The following FOXP4 variants were observed in gnomAD, a reference collection of about 807,000 sequenced individuals.
FOXP4 encodes forkhead box protein P4.
In FOXP4, 25 loss-of-function variants were observed where a neutral mutation model predicts 82.6. The ratio of observed to expected loss-of-function variants is 0.30; its 90% CI spans 0.22 to 0.42. FOXP4 has a LOEUF of 0.42. Ranked by LOEUF, FOXP4 falls within the 10% of genes least tolerant of loss-of-function variation. The pLI is 1.00. For missense variants in FOXP4, 785 were observed against 900.9 expected, an observed-to-expected ratio of 0.87 and a Z score of 1.65; for synonymous variants, 415 against 388.2, an observed-to-expected ratio of 1.07 and a Z score of -0.81.
At position 41,578,863 on chromosome 6, in the gene FOXP4, ACCCCT is replaced by A. The variant is rs1309648833; in HGVS notation, c.300+787_300+791del. ...GCAGCCCGGGATCCATGCTCCCCCCACCCCTCCCCCAGCAGAGGGAGGCTCAGAAT... is the reference window on the plus strand; with the variant it reads ...GCAGCCCGGGATCCATGCTCCCCCCACCCCCAGCAGAGGGAGGCTCAGAAT... On this transcript the variant is annotated intron_variant, in intron 3 of 16. Coordinates refer to ENST00000307972, the MANE Select transcript of FOXP4 (RefSeq NM_001012426.2). Among the ~76,000 whole-genome samples, 13 of 149,452 alleles carry A rather than the reference ACCCCT, an allele frequency of 8.7e-5. No homozygotes were observed. The East Asian group carries it at 2.6e-3, about 30-fold the overall frequency.
intron 1 of FOXP4, 127 bp from the exon 2 acceptor site, chr6:41,565,618 G>C (rs974144946): frequency 1.2e-6 from 1 of 839,296 alleles, no homozygotes; most frequent in African/African-American, 1.7e-5. Flanking sequence ...AGCAGCCTCT[G>C]GGAAGTTGAG....
rs571150796 is a variant in FOXP4, at chr6:41,598,887, C to T, written c.1994C>T (p.Pro665Leu). The T allele has an allele frequency of 4.4e-6, 7 of 1,605,912 alleles. No homozygotes were observed. In the East Asian group the frequency reaches 6.7e-5, roughly 15 times the overall value. Residue 665 changes from proline (P) to leucine (L), a missense_variant, in exon 17 of 17, where the codon CCG becomes CTG. Physicochemically the swap from Pro to Leu is moderately conservative, Grantham distance 98. Transcript: ENST00000307972. ...CCTAACCCCAGCGCCTCGGGGCCTC[C>T]GGAAGACAGGGACCTGGAGGAGGAG... is the stretch of plus-strand genomic sequence containing the variant. ...GAPNPSASGP[P>L]EDRDLEEELP... is the part of the protein sequence containing the mutation.
At chr6:41,579,341 C>T (rs900183345) in intron 3 of FOXP4, among the ~76,000 whole-genome samples, 1 of 152,006 alleles carries the variant, frequency 6.6e-6, no homozygotes, top group African/African-American at 2.4e-5. Context: ...GTTCTCATAC[C>T]CATGCTGGTC....
rs1343963898 is a variant in FOXP4, at chr6:41,558,945, A to G, written c.-16-6800A>G. ...CTTGTGCTCTGGTATCCACATGTGT[A>G]TCTTTTTATATAATCTAGAAATGTA... On this transcript the variant is annotated intron_variant, in intron 1 of 16. Transcript: ENST00000307972. The surrounding 1 kb of genome is among the most constrained non-coding windows in gnomAD (Gnocchi z 4.0). 6.6e-6 allele frequency among the ~76,000 whole-genome samples: 1 copy of G among 152,272 alleles called. No homozygotes were observed. Among genetic ancestry groups the G allele is most frequent in the Non-Finnish European group, 1.5e-5 (1 of 68,044 alleles).
At chr6:41,598,763 G>T in intron 16 of FOXP4, 26 bp from the exon 17 acceptor site, 1 of 1,550,642 alleles carries the variant, frequency 6.4e-7, no homozygotes, top group South Asian at 1.2e-5. Flanking sequence ...CAGCCGCCTG[G>T]TGCCCATGCC....
At chr6:41,585,615 G>A (rs939008986) in intron 5 of FOXP4, 98 bp downstream of exon 5, 20 of 1,093,250 alleles carry the variant, frequency 1.8e-5, no homozygotes, top group Non-Finnish European at 2.5e-5. Context: ...AGGAATAGTA[G>A]AAAAATCTAG....
At chr6:41,562,739 C>G (rs1011261339) in intron 1 of FOXP4, among the ~76,000 whole-genome samples, 1 of 152,208 alleles carries the variant, frequency 6.6e-6, no homozygotes, top group Non-Finnish European at 1.5e-5. Flanking sequence ...CTCAGAGAAG[C>G]TAGACTTGGA....
intron 1 of FOXP4, among the ~76,000 whole-genome samples, chr6:41,562,770 T>C (rs1454716025): frequency 2.6e-5 from 4 of 152,196 alleles, no homozygotes; most frequent in Admixed American, 6.5e-5. Context: ...GCAGCTGCTT[T>C]CCACCACCAG....
chr6:41,559,373 G>C (rs1764443218), intron 1 of FOXP4, among the ~76,000 whole-genome samples: 1 of 152,230 alleles, frequency 6.6e-6, no homozygotes, highest in African/African-American at 2.4e-5. Flanking sequence ...TCGCACCAAT[G>C]AATGGATGAA....
chr6:41,554,943 CCA>C (rs1389601301), intron 1 of FOXP4, among the ~76,000 whole-genome samples: 2 of 151,668 alleles, frequency 1.3e-5, no homozygotes, highest in Non-Finnish European at 2.9e-5. Flanking sequence ...AATCTAATTC[CCA>C]CACAGCTACT....
intron 1 of FOXP4, among the ~76,000 whole-genome samples, chr6:41,557,717 T>G (rs1057304440): frequency 6.6e-6 from 1 of 152,236 alleles, no homozygotes; most frequent in Non-Finnish European, 1.5e-5. Context: ...GAGAATGGAT[T>G]GACCAGAAAG....
At chr6:41,578,776 A>G (rs1272941708) in intron 3 of FOXP4, among the ~76,000 whole-genome samples, 1 of 151,654 alleles carries the variant, frequency 6.6e-6, no homozygotes, top group Non-Finnish European at 1.5e-5. Context: ...ACTTGGGAGA[A>G]TTGCAGTCTG....
chr6:41,599,082 TG>T lies in FOXP4; in HGVS notation c.*147del. The stretch of plus-strand genomic sequence containing the variant: ...AGGCCCGGGCCAGCAGCTCCCAGTG[TG>T]ACCTGACAAAAACACGTAGGGGCAG... On this transcript the variant is annotated 3_prime_UTR_variant, in exon 17 of 17. Transcript: ENST00000307972. The T allele has an allele frequency of 8.6e-7, 1 of 1,163,268 alleles. No individual in the cohort carries two copies. The highest frequency in any genetic ancestry group is 3.0e-5 in the Admixed American group (1 of 33,774). The allele number at this position is 1,163,268 out of a possible 1,614,324, so 72.1% of individuals were successfully genotyped here. A position where few individuals can be genotyped will look rare whatever the true frequency, so the allele number is the denominator to read the frequency against.
rs549806291 is a variant in FOXP4 at position 41,594,950 on chromosome 6, C to T, written c.1617C>T (p.Asp539=). The change falls in exon 14 of 17, where the codon GAC becomes GAT. Residue 539 remains aspartate (D), a synonymous_variant. Coordinates refer to ENST00000307972, the MANE Select transcript of FOXP4 (RefSeq NM_001012426.2). The stretch of plus-strand genomic sequence containing the variant: ...TCAAGGGTGCCGTGTGGACTGTGGA[C>T]GAGCGGGAGTATCAGAAGCGGAGAC... ...ENVKGAVWTV[D]EREYQKRRPP... is the part of the protein sequence containing the mutation. 8.7e-6 allele frequency: 14 copies of T among 1,614,110 alleles called. No individual in the cohort carries two copies. The highest frequency in any genetic ancestry group is 5.5e-5 in the South Asian group (5 of 91,084).
rs1188268044 is a variant in FOXP4, at chr6:41,591,639, C to G, written c.1536+317C>G. On this transcript the variant is annotated intron_variant, in intron 13 of 16. Coordinates refer to ENST00000307972, the MANE Select transcript of FOXP4 (RefSeq NM_001012426.2). This position sits in a 1 kb window ranked among gnomAD's most constrained non-coding sequence, Gnocchi z 4.2. Reference sequence around the variant, plus strand: ...TAGGGCCTCTAGGAATTGCTAATGCCCAAGCTTGATACAGAAGCCTGGGCC... The same window carrying G: ...TAGGGCCTCTAGGAATTGCTAATGCGCAAGCTTGATACAGAAGCCTGGGCC... Among the ~76,000 whole-genome samples, 1 of 151,634 alleles carries G rather than the reference C, an allele frequency of 6.6e-6. No individual in the cohort carries two copies. Among genetic ancestry groups the G allele is most frequent in the Non-Finnish European group, 1.5e-5 (1 of 67,972 alleles).
chr6:41,556,446 C>T (rs1432131867), intron 1 of FOXP4, among the ~76,000 whole-genome samples: 1 of 151,688 alleles, frequency 6.6e-6, no homozygotes, highest in Non-Finnish European at 1.5e-5. Flanking sequence ...GCCTCAGTCT[C>T]CTGAGTAGCT....
chr6:41,588,725 G>A lies in FOXP4; in HGVS notation c.1059G>A (p.Glu353=). 6.2e-7 allele frequency: 1 copy of A among 1,613,604 alleles called. No homozygotes were observed. The highest frequency in any genetic ancestry group is 1.7e-5 in the Admixed American group (1 of 60,034). ...AGATGCAGGTGGTGCAGCAGCTGGA[G>A]ATCCAGGTGTGGCCCGGAAGATGCT... The part of the protein sequence containing the change: ...RVQMQVVQQL[E]IQLAKESERL... Residue 353 remains glutamate (E), a synonymous_variant, in exon 9 of 17, where the codon GAG becomes GAA. Coordinates refer to ENST00000307972, the MANE Select transcript of FOXP4 (RefSeq NM_001012426.2).
chr6:41,554,862 A>G, intron 1 of FOXP4, among the ~76,000 whole-genome samples: 1 of 147,176 alleles, frequency 6.8e-6, no homozygotes, highest in Non-Finnish European at 1.5e-5. Context: ...TCTGCCTCCA[A>G]AAAAAAAAAA....
At chr6:41,581,657 A>G (rs929513769) in intron 3 of FOXP4, among the ~76,000 whole-genome samples, 2 of 152,232 alleles carry the variant, frequency 1.3e-5, no homozygotes, top group Admixed American at 6.5e-5. Flanking sequence ...GATGAGGTCA[A>G]CCAACTCAGG....
Sources: allele counts gnomAD v4.1 joint callset (sites outside exome capture counted in the v4.1 genomes callset), GRCh38; gene constraint gnomAD v4.1.1; non-coding constraint Gnocchi (gnomAD v3.1); transcripts MANE v1.5; gene names NCBI Gene and HGNC (gene_info 2026-07-23, HGNC 2026-07-21).